The following MGAM variants were observed in gnomAD, a reference collection of about 807,000 sequenced individuals.
The protein encoded by MGAM is maltase-glucoamylase, also known as alpha-1,4-glucosidase.
In MGAM, 253 loss-of-function variants were observed where a neutral mutation model predicts 358.8. That is an observed-to-expected ratio of 0.71 (90% CI 0.64 to 0.78). The LOEUF (loss-of-function observed/expected upper bound fraction) is 0.78. Ranked by LOEUF, MGAM falls within the 30% of genes least tolerant of loss-of-function variation. The pLI is 0.00. For missense variants in MGAM, 3,080 were observed against 3,432.6 expected (o/e 0.90, Z 2.57); for synonymous variants, 1,105 against 1,227.1 (o/e 0.90, Z 2.08).
intron 52 of MGAM, 71 bp from the exon 53 acceptor site, chr7:142,083,230 T>C (rs1215386923): frequency 8.6e-7 from 1 of 1,167,492 alleles, no homozygotes; most frequent in Non-Finnish European, 1.2e-6. Flanking sequence ...AAATAGAGAA[T>C]GTGTGGATTT....
intron 57 of MGAM, among the ~76,000 whole-genome samples, chr7:142,089,598 C>T (rs1815170701): frequency 6.9e-6 from 1 of 145,736 alleles, no homozygotes; most frequent in African/African-American, 2.4e-5. Flanking sequence ...CAAGATCAAC[C>T]TGACCACCAT....
chr7:142,042,031 T>TAATA (rs1461880350), intron 21 of MGAM, among the ~76,000 whole-genome samples: 9 of 8,918 alleles, frequency 1.0e-3, no homozygotes, highest in African/African-American at 4.8e-3. Context: ...ATATATTATA[T>TAATA]TATATACATA....
At chr7:142,012,319 T>G (rs1036582208) in intron 3 of MGAM, among the ~76,000 whole-genome samples, 2 of 152,182 alleles carry the variant, frequency 1.3e-5, no homozygotes, top group Non-Finnish European at 2.9e-5. Flanking sequence ...GCTGGCATCT[T>G]GTGAGGACCT....
chr7:142,024,700 A>G (rs1554460243), intron 7 of MGAM, among the ~76,000 whole-genome samples: 2 of 152,160 alleles, frequency 1.3e-5, no homozygotes, highest in African/African-American at 4.8e-5. Context: ...AAGCATATTG[A>G]TGGAGCTTTT....
rs1340437567 is a variant in MGAM at position 142,077,843 on chromosome 7, T to C, written c.5494-475T>C. Among the ~76,000 whole-genome samples, 2 of 145,638 alleles carry C rather than the reference T, an allele frequency of 1.4e-5. 1 individual carries two copies. The highest frequency in any genetic ancestry group is 4.0e-4 in the East Asian group (2 of 4,940). On this transcript the variant is annotated intron_variant, in intron 47 of 70. Transcript: ENST00000475668. ...ATATACTACATAAATGCGAGCATGA[T>C]AACCAGGTCATATGATTCTTATTGC...
Position 142,084,567 on chromosome 7 carries a change from C to T in MGAM, c.6430C>T (p.Leu2144=). The change falls in exon 54 of 71, where the codon CTG becomes TTG. Residue 2144 remains leucine, a synonymous_variant. Transcript: ENST00000475668. ...MVPYWSLGFQ[L]CRYGYQNDSE... is the part of the protein sequence containing the mutation. Reference sequence around the variant, plus strand: ...ACCTTACTGGTCTTTGGGGTTCCAGCTGTGTCGCTATGGCTACCAGAACGA... The same window carrying T: ...ACCTTACTGGTCTTTGGGGTTCCAGTTGTGTCGCTATGGCTACCAGAACGA... 6.4e-7 allele frequency: 1 copy of T among 1,555,872 alleles called. No individual in the cohort carries two copies. The highest frequency in any genetic ancestry group is 2.3e-5 in the East Asian group (1 of 43,954).
chr7:142,046,335 T>C (rs1196346588), intron 21 of MGAM, among the ~76,000 whole-genome samples: 3 of 151,804 alleles, frequency 2.0e-5, no homozygotes, highest in Non-Finnish European at 2.9e-5. Flanking sequence ...TCATGTTGAC[T>C]TATTACCTTG....
chr7:142,059,870 T>G lies in MGAM; in HGVS notation c.3963T>G (p.Ser1321=), dbSNP rs771845010. Residue 1321 remains serine, a synonymous_variant, in exon 33 of 71, where the codon TCT becomes TCG. Coordinates refer to ENST00000475668, the MANE Select transcript of MGAM (RefSeq NM_001365693.1). ...TTTGATTTCAGGATCCAGCCATTTC[T>G]GGCAATGAGACACAGCCTTATCCTG... ...RVILILDPAI[S]GNETQPYPAF... The G allele has an allele frequency of 2.5e-6, 4 of 1,609,982 alleles. No homozygotes were observed. The South Asian group carries it at 3.3e-5, about 13-fold the overall frequency.
intron 27 of MGAM, among the ~76,000 whole-genome samples, chr7:142,055,305 G>A (rs6945098): frequency 0.53 from 80,465 of 151,936 alleles, 21,713 homozygotes; most frequent in Admixed American, 0.61. Flanking sequence ...GATGATGAGG[G>A]GTGCTTGGAT....
chr7:141,996,410 T>C (rs1310000516), intron 1 of MGAM, among the ~76,000 whole-genome samples: 1 of 152,136 alleles, frequency 6.6e-6, no homozygotes, highest in African/African-American at 2.4e-5. Flanking sequence ...TTCTCATTTA[T>C]CTTTTTTTCT....
chr7:142,079,075 A>C lies in MGAM; in HGVS notation c.5847+67A>C, dbSNP rs1034585709. 2.3e-6 allele frequency: 3 copies of C among 1,322,888 alleles called. No individual in the cohort carries two copies. The African/African-American group carries it at 4.2e-5, about 18-fold the overall frequency. 81.9% of individuals were successfully genotyped at this position (1,322,888 alleles called of 1,614,324 possible). A position where few individuals can be genotyped will look rare whatever the true frequency, so the allele number is the denominator to read the frequency against. On this transcript the variant is annotated intron_variant, in intron 49 of 70. Transcript: ENST00000475668. ...CAGTTCCATTATCTTTTTCTGGTTC[A>C]GGTCACACAACCCTAAAATAAGTTA...
intron 1 of MGAM, among the ~76,000 whole-genome samples, chr7:142,002,977 C>CAATAA (rs55847571): frequency 0.48 from 72,140 of 150,538 alleles, 17,709 homozygotes; most frequent in East Asian, 0.67. Context: ...ATCCCATTTA[C>CAATAA]AATAAAATAA....
Position 142,085,867 on chromosome 7 carries a change from G to A in MGAM, c.6542G>A (p.Arg2181Gln), listed in dbSNP as rs764616627. ...VQYSDIDYME[R>Q]QLDFTLSPKF... ...TACTCAGACATCGACTACATGGAGC[G>A]GCAGCTGGACTTCACCCTCAGCCCC... The change falls in exon 55 of 71, where the codon CGG (arginine) becomes CAG (glutamine). Residue 2181 changes from arginine (R) to glutamine (Q), a missense_variant. Coordinates refer to ENST00000475668, the MANE Select transcript of MGAM (RefSeq NM_001365693.1). The A allele has an allele frequency of 6.8e-5, 107 of 1,565,446 alleles. 14 individuals carry two copies. Among genetic ancestry groups the A allele is most frequent in the Admixed American group, 3.9e-4 (23 of 58,532 alleles).
chr7:141,986,734 T>A (rs77996614), intron 2 of MGAM, among the ~76,000 whole-genome samples: 1 of 152,212 alleles, frequency 6.6e-6, no homozygotes, highest in African/African-American at 2.4e-5. Context: ...ATTTTAGCAA[T>A]TCAAAATATT....
chr7:142,015,738 C>A (rs1191911515), intron 3 of MGAM, among the ~76,000 whole-genome samples: 1 of 150,582 alleles, frequency 6.6e-6, no homozygotes, highest in Admixed American at 6.6e-5. Context: ...GTTTTTTTTT[C>A]TGATTTTAAA....
Position 142,054,864 on chromosome 7 carries a change from T to A in MGAM, c.3270T>A (p.Asn1090Lys). 1 of 1,613,896 alleles carries A rather than the reference T, an allele frequency of 6.2e-7. No homozygotes were observed. Among genetic ancestry groups the A allele is most frequent in the Non-Finnish European group, 8.5e-7 (1 of 1,179,834 alleles). ...TCTATGATGTGCTCATTAAGAAGAA[T>A]CCATTTGGGATTGAAATTCGCCGGA... ...GQLYDVLIKK[N>K]PFGIEIRRKS... The change falls in exon 27 of 71, where the codon AAT becomes AAA. Residue 1090 changes from asparagine (N) to lysine (K), a missense_variant. Asn to Lys is a moderately conservative substitution (Grantham distance 94). This residue lies in a region of MGAM where 1,816 missense variants were observed against 1,840.5 expected (regional missense o/e 0.99). Coordinates refer to ENST00000475668, the MANE Select transcript of MGAM (RefSeq NM_001365693.1).
rs1427742392 is a variant in MGAM, at chr7:142,050,883, G to A, written c.2805+19G>A. The A allele has an allele frequency of 1.2e-6, 2 of 1,613,230 alleles. No individual in the cohort carries two copies. Among genetic ancestry groups the A allele is most frequent in the South Asian group, 1.1e-5 (1 of 91,052 alleles). On this transcript the variant is annotated intron_variant, in intron 24 of 70. Transcript: ENST00000475668. ...CCTGAAGGTAAAAACCCATTTTGTT[G>A]AGATGGTACATTGAGAATTCTCCAT...
Position 142,030,459 on chromosome 7 carries a change from T to G in MGAM, c.1319T>G (p.Leu440Ter), listed in dbSNP as rs782605775. The stretch of plus-strand genomic sequence containing the variant: ...GGCTTCCCTGAATTTGTCAACGAGT[T>G]ACACAATAATGGACAGAAGCTTGTC... ...FKGFPEFVNELHNNGQKLVII... is the reference protein window; with the variant it reads ...FKGFPEFVNE The change falls in exon 11 of 71, where the codon TTA (leucine) becomes TGA (stop). Residue 440 changes from leucine to a stop codon, truncating the protein, a stop_gained. Transcript: ENST00000475668. LOFTEE classifies it high-confidence loss of function. 2.9e-5 allele frequency: 47 copies of G among 1,613,696 alleles called. No individual in the cohort carries two copies. In the South Asian group the frequency reaches 5.1e-4, roughly 17 times the overall value.
rs542877985 is a variant in MGAM at position 142,025,489 on chromosome 7, A to G, written c.982+340A>G. 2.6e-5 allele frequency among the ~76,000 whole-genome samples: 4 copies of G among 152,292 alleles called. No homozygotes were observed. The East Asian group carries it at 5.8e-4, about 22-fold the overall frequency. On this transcript the variant is annotated intron_variant, in intron 8 of 70. Transcript: ENST00000475668. Reference sequence around the variant, plus strand: ...CCGTCTTCAGCCCTGTAGTCAGTAGATCCCAGTGGCAATGAATTGCCATAG... The same window carrying G: ...CCGTCTTCAGCCCTGTAGTCAGTAGGTCCCAGTGGCAATGAATTGCCATAG...
Sources: allele counts gnomAD v4.1 joint callset (sites outside exome capture counted in the v4.1 genomes callset), GRCh38; gene constraint gnomAD v4.1.1; regional missense constraint gnomAD v4.1.1; transcripts MANE v1.5; gene names NCBI Gene and HGNC (gene_info 2026-07-23, HGNC 2026-07-21).